Variants in CREB3L2 observed in about 807,000 individuals in gnomAD.
CREB3L2 encodes the protein cAMP responsive element binding protein 3 like 2, also known as cyclic AMP-responsive element-binding protein 3-like protein 2.
A neutral mutation model predicts 57.2 loss-of-function variants in CREB3L2; 23 were observed. The ratio of observed to expected loss-of-function variants is 0.40; its 90% CI spans 0.29 to 0.57. CREB3L2 has a LOEUF of 0.57. CREB3L2 is among the 20% of genes least tolerant of loss of function. The pLI is 0.42. For synonymous variants in CREB3L2, 268 were observed against 265.1 expected (o/e 1.01, Z -0.11); for missense variants, 628 against 634.7 (o/e 0.99, Z 0.11).
At chr7:137,891,971 A>T (rs144806785) in intron 8 of CREB3L2, among the ~76,000 whole-genome samples, 90 of 152,294 alleles carry the variant, frequency 5.9e-4, no homozygotes, top group African/African-American at 2.0e-3. Context: ...GTGTGTGCCC[A>T]TATGTATGTG....
intron 4 of CREB3L2, 168 bp downstream of exon 4, chr7:137,912,823 A>G (rs1800043035): frequency 6.6e-7 from 1 of 1,519,422 alleles, no homozygotes; most frequent in Non-Finnish European, 8.8e-7. Context: ...AGCTTGCAAA[A>G]TTTTTATTTG....
chr7:137,982,478 G>A (rs1801727600), intron 1 of CREB3L2, among the ~76,000 whole-genome samples: 1 of 152,116 alleles, frequency 6.6e-6, no homozygotes, highest in South Asian at 2.1e-4. Flanking sequence ...TGTCATGGGA[G>A]GGACGCAGTG....
In CREB3L2 at chr7:138,001,551, G is replaced by T; in HGVS notation, c.102+53C>A. 7.1e-7 allele frequency: 1 copy of T among 1,403,044 alleles called. No homozygotes were observed. The highest frequency in any genetic ancestry group is 1.2e-5 in the South Asian group (1 of 80,396). The allele number at this position is 1,403,044 out of a possible 1,614,324, so 86.9% of individuals were successfully genotyped here. A position where few individuals can be genotyped will look rare whatever the true frequency, so the allele number is the denominator to read the frequency against. ...CCAGGACTCCAGCTGCTCCTCGCGT[G>T]ACAACACTTGCCCGCTTTGAAAGCC... On this transcript the variant is annotated intron_variant, in intron 1 of 11. Transcript: ENST00000330387. The surrounding 1 kb of genome is among the most constrained non-coding windows in gnomAD (Gnocchi z 4.2).
chr7:137,927,576 A>G (rs1422367116), intron 2 of CREB3L2, among the ~76,000 whole-genome samples: 1 of 152,160 alleles, frequency 6.6e-6, no homozygotes, highest in Non-Finnish European at 1.5e-5. Context: ...GTAATGGTCA[A>G]AACATCTTAA....
intron 8 of CREB3L2, among the ~76,000 whole-genome samples, chr7:137,888,212 C>T (rs1187699537): frequency 2.0e-5 from 3 of 152,232 alleles, no homozygotes; most frequent in South Asian, 2.1e-4. Context: ...GATCCTCTCA[C>T]CTCTGCCTCC....
chr7:137,991,465 T>C (rs1801895153), intron 1 of CREB3L2, among the ~76,000 whole-genome samples: 1 of 151,862 alleles, frequency 6.6e-6, no homozygotes, highest in South Asian at 2.1e-4. Flanking sequence ...CGCCTGGCCT[T>C]AAATAGCTTA....
At chr7:137,955,262 C>T (rs748665179) in intron 1 of CREB3L2, 17 of 1,288,504 alleles carry the variant, frequency 1.3e-5, no homozygotes, top group South Asian at 7.4e-5. Flanking sequence ...AGAAAAAGCA[C>T]GTGTTCACAG....
intron 4 of CREB3L2, among the ~76,000 whole-genome samples, chr7:137,910,755 G>C (rs1189239847): frequency 1.3e-5 from 2 of 152,074 alleles, no homozygotes; most frequent in African/African-American, 4.8e-5. Context: ...AAGAGAATTT[G>C]AAGCAAGTGA....
intron 1 of CREB3L2, among the ~76,000 whole-genome samples, chr7:137,937,823 CAAA>C (rs3087067): frequency 2.2e-5 from 3 of 135,088 alleles, no homozygotes; most frequent in Admixed American, 7.2e-5. Flanking sequence ...GGCTTATTAC[CAAA>C]AAAAAAAAAA....
intron 8 of CREB3L2, among the ~76,000 whole-genome samples, chr7:137,887,998 G>A (rs984814569): frequency 6.6e-6 from 1 of 152,094 alleles, no homozygotes; most frequent in Non-Finnish European, 1.5e-5. Context: ...TGTCGCACAG[G>A]CTGGAGTGCA....
intron 1 of CREB3L2, among the ~76,000 whole-genome samples, chr7:137,971,323 G>A (rs913920038): frequency 6.6e-6 from 1 of 152,060 alleles, no homozygotes; most frequent in East Asian, 1.9e-4. Context: ...GGTGGCGGGC[G>A]CCTGTAGTCC....
chr7:137,957,679 T>C (rs750364635), intron 1 of CREB3L2: 2 of 826,522 alleles, frequency 2.4e-6, no homozygotes, highest in South Asian at 2.9e-5. Flanking sequence ...AATATATTAA[T>C]AACCCAAATA....
In CREB3L2 at chr7:137,878,723, G is replaced by A. The variant is rs1799213251; in HGVS notation, c.*1753C>T. On this transcript the variant is annotated 3_prime_UTR_variant, in exon 12 of 12. Coordinates refer to ENST00000330387, the MANE Select transcript of CREB3L2 (RefSeq NM_194071.4). The stretch of plus-strand genomic sequence containing the variant: ...CCAGGCTGGAACCGTCTCCAGCATA[G>A]CAGAGAGAGGGGAATCACTCACAGG... 4.3e-6 allele frequency: 1 copy of A among 234,754 alleles called. No individual in the cohort carries two copies. The highest frequency in any genetic ancestry group is 8.4e-6 in the Non-Finnish European group (1 of 119,300). The allele number at this position is 234,754 out of a possible 1,614,324, so 14.5% of individuals were successfully genotyped here. A position where few individuals can be genotyped will look rare whatever the true frequency, so the allele number is the denominator to read the frequency against.
Position 137,880,380 on chromosome 7 carries a change from GA to G in CREB3L2, c.*95del, listed in dbSNP as rs1194179655. 3 of 995,430 alleles carry G rather than the reference GA, an allele frequency of 3.0e-6. No homozygotes were observed. In the African/African-American group the frequency reaches 4.8e-5, roughly 16 times the overall value. 61.7% of individuals were successfully genotyped at this position (995,430 alleles called of 1,614,324 possible). A position where few individuals can be genotyped will look rare whatever the true frequency, so the allele number is the denominator to read the frequency against. ...CACTAATGCTTGCCCATGTCTCCATGAAGATCCAGTGGCAAAGAGGAAAAGC... is the reference window on the plus strand; with the variant it reads ...CACTAATGCTTGCCCATGTCTCCATGAGATCCAGTGGCAAAGAGGAAAAGC... On this transcript the variant is annotated 3_prime_UTR_variant, in exon 12 of 12. Transcript: ENST00000330387. The surrounding 1 kb of genome is among the most constrained non-coding windows in gnomAD (Gnocchi z 4.0).
intron 6 of CREB3L2, among the ~76,000 whole-genome samples, chr7:137,904,975 G>A (rs1799853837): frequency 6.6e-6 from 1 of 152,256 alleles, no homozygotes; most frequent in East Asian, 1.9e-4. Context: ...TCTGCTGGCT[G>A]AAGTACATAT....
intron 1 of CREB3L2, among the ~76,000 whole-genome samples, chr7:137,955,762 C>T (rs1801196637): frequency 6.6e-6 from 1 of 152,144 alleles, no homozygotes; most frequent in South Asian, 2.1e-4. Flanking sequence ...GATTAATATG[C>T]CTCGTGTTCC....
At position 137,885,516 on chromosome 7, in the gene CREB3L2, C is replaced by T. The variant is rs755385778; in HGVS notation, c.1044-14G>A. 6.3e-6 allele frequency: 10 copies of T among 1,598,122 alleles called. No homozygotes were observed. The highest frequency in any genetic ancestry group is 1.7e-4 in the Middle Eastern group (1 of 6,046). Reference sequence around the variant, plus strand: ...TGAAGGAGAGTCCTGCCAATGATAACAACAGCCGTGAGGGGAGTCTGACAG... The same window carrying T: ...TGAAGGAGAGTCCTGCCAATGATAATAACAGCCGTGAGGGGAGTCTGACAG... On this transcript the variant is annotated splice_polypyrimidine_tract_variant and intron_variant, in intron 8 of 11. Coordinates refer to ENST00000330387, the MANE Select transcript of CREB3L2 (RefSeq NM_194071.4).
rs773133391 is a variant in CREB3L2 at position 137,880,580 on chromosome 7, T to C, written c.1488-29A>G. ...TGAAGGCATTAAAAGGAAAACGAAG[T>C]ATTAGTCACCAGCTGTTAGCTACAA... On this transcript the variant is annotated intron_variant, in intron 11 of 11. Transcript: ENST00000330387. This position sits in a 1 kb window ranked among gnomAD's most constrained non-coding sequence, Gnocchi z 4.0. 1 of 1,548,334 alleles carries C rather than the reference T, an allele frequency of 6.5e-7. No homozygotes were observed. Among genetic ancestry groups the C allele is most frequent in the Non-Finnish European group, 8.9e-7 (1 of 1,120,758 alleles).
At chr7:137,904,822 G>C (rs1409377049) in intron 6 of CREB3L2, among the ~76,000 whole-genome samples, 1 of 144,426 alleles carries the variant, frequency 6.9e-6, no homozygotes, top group Non-Finnish European at 1.5e-5. Flanking sequence ...CTGGGTGACA[G>C]AGTGAGACTC....
Sources: gnomAD v4.1 joint callset for allele counts (sites outside exome capture counted in the v4.1 genomes callset) on GRCh38, gnomAD v4.1.1 for gene constraint, Gnocchi (gnomAD v3.1) non-coding constraint, MANE v1.5 for transcripts, NCBI Gene and HGNC (gene_info 2026-07-23, HGNC 2026-07-21) for gene names.